Variants in PDE10A observed in about 807,000 individuals in gnomAD.
PDE10A encodes phosphodiesterase 10A.
A neutral mutation model predicts 97.7 loss-of-function variants in PDE10A; 39 were observed. The ratio of observed to expected loss-of-function variants is 0.40; its 90% CI spans 0.31 to 0.52. PDE10A has a LOEUF of 0.52. Ranked by LOEUF, PDE10A falls within the 20% of genes least tolerant of loss-of-function variation. The probability of loss-of-function intolerance (pLI) is 0.56; values close to 1 mark genes in which losing one functional copy is unlikely to be tolerated. For synonymous variants in PDE10A, 371 were observed against 376.8 expected (o/e 0.98, Z 0.18); for missense variants, 731 against 1,047.8 (o/e 0.70, Z 4.17).
chr6:165,765,969 T>A (rs1275332432), intron 1 of PDE10A, among the ~76,000 whole-genome samples: 3 of 152,246 alleles, frequency 2.0e-5, no homozygotes, highest in African/African-American at 4.8e-5. Context: ...ATCTAGTGCT[T>A]TATTTCCCCC....
At chr6:165,729,458 G>T (rs1370326490) in intron 1 of PDE10A, among the ~76,000 whole-genome samples, 1 of 152,090 alleles carries the variant, frequency 6.6e-6, no homozygotes, top group Admixed American at 6.5e-5. Context: ...GAGATACTAA[G>T]GACAGCAGTG....
At chr6:165,400,686 AC>A (rs1406594313) in intron 13 of PDE10A, among the ~76,000 whole-genome samples, 1 of 152,130 alleles carries the variant, frequency 6.6e-6, no homozygotes, top group Non-Finnish European at 1.5e-5. Flanking sequence ...CTCCCATGTT[AC>A]CCACCACTGC....
intron 1 of PDE10A, among the ~76,000 whole-genome samples, chr6:165,739,574 G>A (rs1792668056): frequency 6.6e-6 from 1 of 151,714 alleles, no homozygotes; most frequent in South Asian, 2.1e-4. Flanking sequence ...AAATTGGTCT[G>A]GGCTATGATT....
intron 1 of PDE10A, among the ~76,000 whole-genome samples, chr6:165,913,430 CT>C (rs2128486763): frequency 6.6e-6 from 1 of 152,282 alleles, no homozygotes; most frequent in East Asian, 1.9e-4. Context: ...ACACATCCTC[CT>C]GTGTACTTTG....
intron 5 of PDE10A, among the ~76,000 whole-genome samples, chr6:165,445,930 A>G (rs777053684): frequency 1.3e-5 from 2 of 152,098 alleles, no homozygotes; most frequent in Non-Finnish European, 2.9e-5. Context: ...AAGGAAAAAT[A>G]AAAAGAAAAC....
At chr6:165,579,736 CAGCGAAGGCCAA>C (rs890482647) in intron 1 of PDE10A, among the ~76,000 whole-genome samples, 7 of 152,154 alleles carry the variant, frequency 4.6e-5, no homozygotes, top group Admixed American at 2.0e-4. Flanking sequence ...TCATCTCACA[CAGCGAAGGCCAA>C]AGTCCTTACA....
At chr6:165,566,419 A>C (rs1784781959) in intron 1 of PDE10A, among the ~76,000 whole-genome samples, 1 of 152,166 alleles carries the variant, frequency 6.6e-6, no homozygotes, top group Non-Finnish European at 1.5e-5. Flanking sequence ...CACTGACAAC[A>C]CCAAATGCCA....
chr6:165,628,363 T>TC (rs904801539), intron 1 of PDE10A, among the ~76,000 whole-genome samples: 7 of 151,494 alleles, frequency 4.6e-5, no homozygotes, highest in Non-Finnish European at 8.8e-5. Context: ...TTTCTCTTTT[T>TC]TTTTCAGAGG....
chr6:165,341,991 T>G (rs1017081368), intron 19 of PDE10A, among the ~76,000 whole-genome samples: 6 of 152,220 alleles, frequency 3.9e-5, no homozygotes, highest in African/African-American at 1.4e-4. Context: ...TACTGCCGTA[T>G]GTACTATGGT....
At chr6:165,757,229 T>A (rs1223201386) in intron 1 of PDE10A, among the ~76,000 whole-genome samples, 2 of 152,190 alleles carry the variant, frequency 1.3e-5, no homozygotes, top group Non-Finnish European at 2.9e-5. Flanking sequence ...ACTCCCAAAG[T>A]GCTGGGATTC....
intron 13 of PDE10A, among the ~76,000 whole-genome samples, chr6:165,404,944 A>G (rs1434762204): frequency 6.6e-6 from 1 of 152,168 alleles, no homozygotes; most frequent in African/African-American, 2.4e-5. Flanking sequence ...GGGTGGAAGT[A>G]TTTAAAACAC....
chr6:165,801,083 G>C (rs2128465486), intron 1 of PDE10A, among the ~76,000 whole-genome samples: 1 of 152,320 alleles, frequency 6.6e-6, no homozygotes, highest in South Asian at 2.1e-4. Flanking sequence ...AGTGCTTCCT[G>C]AATTGTTCTC....
At chr6:165,413,818 C>T in intron 12 of PDE10A, 131 bp from the exon 13 acceptor site, 1 of 629,138 alleles carries the variant, frequency 1.6e-6, no homozygotes, top group Non-Finnish European at 2.8e-6. Flanking sequence ...ACTAATGGCA[C>T]TTTTAGCTTC....
chr6:165,376,368 G>A (rs1784603147), intron 18 of PDE10A, among the ~76,000 whole-genome samples: 1 of 152,210 alleles, frequency 6.6e-6, no homozygotes. Flanking sequence ...AGCCAAGAAA[G>A]TTTCTTGAGA....
intron 1 of PDE10A, among the ~76,000 whole-genome samples, chr6:165,730,302 T>TTCTA (rs1164281866): frequency 7.2e-5 from 11 of 152,184 alleles, no homozygotes; most frequent in Non-Finnish European, 1.3e-4. Context: ...GTTCAACTTA[T>TTCTA]TCTACCAGGC....
chr6:165,800,165 A>T (rs1309387391), intron 1 of PDE10A, among the ~76,000 whole-genome samples: 2 of 152,194 alleles, frequency 1.3e-5, no homozygotes, highest in African/African-American at 4.8e-5. Flanking sequence ...AAAAGCGAAG[A>T]TACTCATGCA....
At chr6:165,545,801 T>A (rs1192963731) in intron 1 of PDE10A, among the ~76,000 whole-genome samples, 1 of 152,048 alleles carries the variant, frequency 6.6e-6, no homozygotes, top group Non-Finnish European at 1.5e-5. Flanking sequence ...AAAATTATCA[T>A]TTAATCATGA....
chr6:165,486,649 A>G (rs557313801), intron 2 of PDE10A, among the ~76,000 whole-genome samples: 1 of 152,352 alleles, frequency 6.6e-6, no homozygotes, highest in Non-Finnish European at 1.5e-5. Context: ...TCATACACGG[A>G]AGTGAGATGC....
At chr6:165,539,994 G>A (rs1280729233) in intron 2 of PDE10A, among the ~76,000 whole-genome samples, 1 of 152,150 alleles carries the variant, frequency 6.6e-6, no homozygotes, top group East Asian at 1.9e-4. Flanking sequence ...ATGAGGGACA[G>A]AAGCATAAAA....
Sources: allele counts gnomAD v4.1 joint callset (sites outside exome capture counted in the v4.1 genomes callset), GRCh38; gene constraint gnomAD v4.1.1; transcripts MANE v1.5; gene names NCBI Gene and HGNC (gene_info 2026-07-23, HGNC 2026-07-21).